The following HRH1 variants were observed in gnomAD, a reference collection of about 807,000 sequenced individuals.
The protein encoded by HRH1 is histamine H1 receptor.
In HRH1, 6 loss-of-function variants were observed where a neutral mutation model predicts 10.3. The ratio of observed to expected loss-of-function variants is 0.58; its 90% CI spans 0.32 to 1.15. HRH1 has a LOEUF of 1.15. HRH1 is among the 50% of genes most tolerant of loss of function. HRH1 has a pLI of 0.05. For synonymous variants in HRH1, 242 were observed against 236.7 expected (o/e 1.02, Z -0.21); for missense variants, 514 against 615.3 (o/e 0.84, Z 1.74).
chr3:11,159,486 T>G (rs1936883936), intron 1 of HRH1, among the ~76,000 whole-genome samples: 1 of 152,156 alleles, frequency 6.6e-6, no homozygotes, highest in Admixed American at 6.5e-5. Context: ...GGTCACATGA[T>G]TTTTCTTTTT....
At chr3:11,250,208 ATTTTTT>A (rs71055857) in intron 1 of HRH1, among the ~76,000 whole-genome samples, 23,844 of 106,860 alleles carry the variant, frequency 0.22, 2,542 homozygotes, top group South Asian at 0.39. Flanking sequence ...CACCCGGCTA[ATTTTTT>A]TTTTTTTTTT....
intron 1 of HRH1, among the ~76,000 whole-genome samples, chr3:11,202,176 G>C (rs979637773): frequency 1.3e-5 from 2 of 152,184 alleles, no homozygotes; most frequent in African/African-American, 4.8e-5. Flanking sequence ...GGCCAAGGGG[G>C]GCAGATCATG....
chr3:11,238,770 T>C (rs1939256088), intron 1 of HRH1, among the ~76,000 whole-genome samples: 1 of 152,244 alleles, frequency 6.6e-6, no homozygotes, highest in Non-Finnish European at 1.5e-5. Context: ...TTCATATAAA[T>C]GGAATCATTC....
chr3:11,148,811 T>TTTTA (rs1491538120), intron 1 of HRH1, among the ~76,000 whole-genome samples: 16 of 66,384 alleles, frequency 2.4e-4, no homozygotes, highest in Admixed American at 1.4e-3. Flanking sequence ...AACCACAGTC[T>TTTTA]TTTTTTTTTT....
chr3:11,217,671 C>T (rs769440485), intron 1 of HRH1, among the ~76,000 whole-genome samples: 1 of 152,148 alleles, frequency 6.6e-6, no homozygotes. Flanking sequence ...TATGAATGTA[C>T]TTAACATTGC....
chr3:11,145,031 A>G (rs1341308236), intron 1 of HRH1, among the ~76,000 whole-genome samples: 2 of 152,040 alleles, frequency 1.3e-5, no homozygotes, highest in African/African-American at 4.8e-5. Flanking sequence ...CCTCCTAAGT[A>G]TCTCTGGAAG....
intron 1 of HRH1, among the ~76,000 whole-genome samples, chr3:11,205,850 T>C (rs879219673): frequency 6.6e-6 from 1 of 151,836 alleles, no homozygotes; most frequent in African/African-American, 2.4e-5. Flanking sequence ...TTAGTAGAGA[T>C]GGGGTTTCAC....
intron 1 of HRH1, among the ~76,000 whole-genome samples, chr3:11,147,337 A>G (rs956929309): frequency 6.6e-6 from 1 of 152,198 alleles, no homozygotes; most frequent in Non-Finnish European, 1.5e-5. Flanking sequence ...CACATGGTTG[A>G]GCACCCACTA....
intron 1 of HRH1, among the ~76,000 whole-genome samples, chr3:11,194,178 T>C (rs530019547): frequency 7.9e-5 from 12 of 152,294 alleles, no homozygotes; most frequent in African/African-American, 2.9e-4. Flanking sequence ...CTGTTTTTTC[T>C]AGAAGAGAGA....
intron 1 of HRH1, among the ~76,000 whole-genome samples, chr3:11,159,877 C>T (rs1217567010): frequency 6.6e-6 from 1 of 152,170 alleles, no homozygotes; most frequent in African/African-American, 2.4e-5. Flanking sequence ...GAACTTGCTA[C>T]CAATCAGAGG....
intron 1 of HRH1, among the ~76,000 whole-genome samples, chr3:11,217,829 T>G (rs1191998255): frequency 6.6e-6 from 1 of 152,052 alleles, no homozygotes; most frequent in Non-Finnish European, 1.5e-5. Context: ...CAAACAGACA[T>G]TATATACCAC....
At chr3:11,248,582 T>A (rs766257137) in intron 1 of HRH1, among the ~76,000 whole-genome samples, 25 of 152,204 alleles carry the variant, frequency 1.6e-4, no homozygotes, top group Non-Finnish European at 3.5e-4. Flanking sequence ...CCCCACAATA[T>A]CACCACACAT....
At chr3:11,242,601 C>T (rs1043587731) in intron 1 of HRH1, among the ~76,000 whole-genome samples, 2 of 151,862 alleles carry the variant, frequency 1.3e-5, no homozygotes, top group African/African-American at 4.8e-5. Context: ...GGACACACTA[C>T]CTCAAGATAC....
At chr3:11,158,206 TA>T (rs1243901164) in intron 1 of HRH1, among the ~76,000 whole-genome samples, 1 of 152,182 alleles carries the variant, frequency 6.6e-6, no homozygotes, top group Non-Finnish European at 1.5e-5. Flanking sequence ...TGATGATAAA[TA>T]GATGGGCATA....
chr3:11,150,153 C>A (rs1936571230), upstream of HRH1, among the ~76,000 whole-genome samples: 1 of 152,174 alleles, frequency 6.6e-6, no homozygotes, highest in African/African-American at 2.4e-5. Context: ...TTCTAATTGC[C>A]AAAGTAATAC....
intron 1 of HRH1, among the ~76,000 whole-genome samples, chr3:11,140,093 G>A (rs191593240): frequency 2.6e-5 from 4 of 152,280 alleles, no homozygotes; most frequent in African/African-American, 4.8e-5. Flanking sequence ...AGGGCCGTCC[G>A]GATTTCAGTC....
At chr3:11,225,266 T>G (rs1938844455) in intron 1 of HRH1, among the ~76,000 whole-genome samples, 1 of 152,258 alleles carries the variant, frequency 6.6e-6, no homozygotes, top group African/African-American at 2.4e-5. Flanking sequence ...TTCATTTCCT[T>G]TTCTTGCCTA....
upstream of HRH1, among the ~76,000 whole-genome samples, chr3:11,150,324 C>T (rs925961152): frequency 4.6e-5 from 7 of 152,252 alleles, no homozygotes; most frequent in Non-Finnish European, 8.8e-5. Flanking sequence ...TGCACTTTGA[C>T]TCTCACAAAG....
chr3:11,200,360 T>C (rs934556391), intron 1 of HRH1, among the ~76,000 whole-genome samples: 3 of 152,190 alleles, frequency 2.0e-5, no homozygotes, highest in Admixed American at 2.0e-4. Flanking sequence ...GCCTAGATCA[T>C]CCTAATGACT....
Sources: gnomAD v4.1 joint callset for allele counts (sites outside exome capture counted in the v4.1 genomes callset) on GRCh38, gnomAD v4.1.1 for gene constraint, MANE v1.5 for transcripts, NCBI Gene and HGNC (gene_info 2026-07-23, HGNC 2026-07-21) for gene names.